The following FBXW11 variants were observed in gnomAD, a reference collection of about 807,000 sequenced individuals.
FBXW11 encodes the protein F-box and WD repeat domain containing 11.
A neutral mutation model predicts 77.6 loss-of-function variants in FBXW11; 19 were observed. The observed-to-expected ratio is 0.24, with a 90% CI of 0.17 to 0.36. The LOEUF (loss-of-function observed/expected upper bound fraction) is 0.36. Among genes scored for constraint, FBXW11 ranks in the 10% least tolerant of loss-of-function variants. The pLI, the probability that FBXW11 is intolerant of heterozygous loss-of-function variation, is 1.00. For synonymous variants in FBXW11, 235 were observed against 249.4 expected, an observed-to-expected ratio of 0.94 and a Z score of 0.54; for missense variants, 334 against 704.2, an observed-to-expected ratio of 0.47 and a Z score of 5.95.
intron 2 of FBXW11, among the ~76,000 whole-genome samples, chr5:171,930,762 T>TA (rs59700625): frequency 0.71 from 89,165 of 126,412 alleles, 32,552 homozygotes; most frequent in Non-Finnish European, 0.81. Flanking sequence ...AATAAAAAAA[T>TA]AAAAAAAAAA....
At chr5:171,891,344 A>G in intron 7 of FBXW11, 123 bp downstream of exon 7, 1 of 841,384 alleles carries the variant, frequency 1.2e-6, no homozygotes, top group Non-Finnish European at 1.8e-6. Context: ...CTACACTGAG[A>G]GCTGCCAAGA....
intron 4 of FBXW11, among the ~76,000 whole-genome samples, chr5:171,902,300 T>C (rs1236831376): frequency 6.6e-6 from 1 of 152,234 alleles, no homozygotes; most frequent in Non-Finnish European, 1.5e-5. Flanking sequence ...TACATAAAGT[T>C]GTATTGCAAT....
intron 2 of FBXW11, among the ~76,000 whole-genome samples, chr5:171,921,396 C>T (rs933802905): frequency 6.6e-6 from 1 of 152,180 alleles, no homozygotes; most frequent in Admixed American, 6.5e-5. Flanking sequence ...AGTTAAGAGT[C>T]ACACAGCTAG....
chr5:171,893,446 A>AAAAAAAAAAAAAAAAAAAAAAAAAC (rs1382279919), intron 6 of FBXW11, among the ~76,000 whole-genome samples: 1 of 147,990 alleles, frequency 6.8e-6, no homozygotes, highest in African/African-American at 2.5e-5. Flanking sequence ...AAAAAAAAAA[A>AAAAAAAAAAAAAAAAAAAAAAAAAC]ACTAACCCAA....
intron 1 of FBXW11, among the ~76,000 whole-genome samples, chr5:171,965,660 C>T (rs1334575813): frequency 2.6e-5 from 4 of 152,050 alleles, no homozygotes; most frequent in African/African-American, 9.7e-5. Flanking sequence ...CCATATTTTC[C>T]GATTTTTCTC....
Position 171,870,960 on chromosome 5 carries a change from T to C in FBXW11, c.1341-102A>G, listed in dbSNP as rs1273754457. ...TCCATACAGATACAATTTTTCACTA[T>C]CTTGGAGCTCTTTATTTCTATCTCA... On this transcript the variant is annotated intron_variant, in intron 10 of 13. Transcript: ENST00000517395. The C allele has an allele frequency of 5.6e-6, 4 of 713,248 alleles. No homozygotes were observed. The African/African-American group carries it at 7.1e-5, about 13-fold the overall frequency. The allele number at this position is 713,248 out of a possible 1,614,324, so 44.2% of individuals were successfully genotyped here.
At chr5:171,932,717 G>A (rs948507785) in intron 2 of FBXW11, among the ~76,000 whole-genome samples, 2 of 151,994 alleles carry the variant, frequency 1.3e-5, no homozygotes, top group Non-Finnish European at 2.9e-5. Flanking sequence ...CAAATGAAGT[G>A]AAAACTAATA....
intron 1 of FBXW11, among the ~76,000 whole-genome samples, chr5:171,995,648 G>T (rs372873117): frequency 1.2e-4 from 18 of 152,184 alleles, no homozygotes; most frequent in African/African-American, 4.3e-4. Flanking sequence ...CAGCTACTTG[G>T]GAAGCTGAGG....
intron 1 of FBXW11, among the ~76,000 whole-genome samples, chr5:171,966,448 T>A (rs1204032962): frequency 6.6e-6 from 1 of 152,164 alleles, no homozygotes. Flanking sequence ...AAGAATTAGA[T>A]GTTTGAGGTG....
At chr5:171,865,140 T>G (rs918142714) in intron 13 of FBXW11, among the ~76,000 whole-genome samples, 2 of 152,202 alleles carry the variant, frequency 1.3e-5, no homozygotes, top group Non-Finnish European at 2.9e-5. Context: ...TAAGGGAACC[T>G]GAATTATTTC....
chr5:171,973,911 A>G (rs1410448254), intron 1 of FBXW11, among the ~76,000 whole-genome samples: 6 of 152,164 alleles, frequency 3.9e-5, no homozygotes, highest in Non-Finnish European at 8.8e-5. Context: ...TTTAAAAATT[A>G]TTAGTTTTTT....
intron 4 of FBXW11, among the ~76,000 whole-genome samples, chr5:171,909,548 TG>T (rs1265551614): frequency 6.6e-6 from 1 of 152,228 alleles, no homozygotes; most frequent in Non-Finnish European, 1.5e-5. Context: ...TGTGCAATGC[TG>T]ATAGTGGGGC....
intron 12 of FBXW11, 150 bp from the exon 13 acceptor site, chr5:171,868,946 C>A: frequency 3.2e-6 from 2 of 629,388 alleles, no homozygotes; most frequent in Non-Finnish European, 2.6e-6. Context: ...TCCTTCATCC[C>A]AAGAACAAAT....
chr5:171,864,795 AC>A (rs1300094147), intron 13 of FBXW11, among the ~76,000 whole-genome samples: 1 of 152,162 alleles, frequency 6.6e-6, no homozygotes, highest in Non-Finnish European at 1.5e-5. Flanking sequence ...ACACAAAAAA[AC>A]AATATTCATG....
At chr5:171,942,804 AAATT>A (rs1467166109) in intron 2 of FBXW11, among the ~76,000 whole-genome samples, 3 of 152,166 alleles carry the variant, frequency 2.0e-5, no homozygotes, top group Admixed American at 6.5e-5. Flanking sequence ...CCTATCTCAA[AAATT>A]AATTAATTAA....
At chr5:171,917,456 C>A (rs1029550751) in intron 2 of FBXW11, among the ~76,000 whole-genome samples, 1 of 152,064 alleles carries the variant, frequency 6.6e-6, no homozygotes, top group Admixed American at 6.5e-5. Context: ...AAGGAAACAA[C>A]CCCCTGAAGA....
intron 2 of FBXW11, among the ~76,000 whole-genome samples, chr5:171,927,312 A>G (rs1298311498): frequency 6.6e-6 from 1 of 152,246 alleles, no homozygotes; most frequent in Non-Finnish European, 1.5e-5. Context: ...ATATACCACA[A>G]TATACCTCAA....
chr5:171,968,726 C>T (rs1221970889), intron 1 of FBXW11, among the ~76,000 whole-genome samples: 1 of 152,170 alleles, frequency 6.6e-6, no homozygotes, highest in Non-Finnish European at 1.5e-5. Context: ...CTCATTTATA[C>T]TAGTGCCCCT....
chr5:171,895,920 G>A (rs1215980895), intron 6 of FBXW11, among the ~76,000 whole-genome samples: 1 of 152,188 alleles, frequency 6.6e-6, no homozygotes, highest in Non-Finnish European at 1.5e-5. Context: ...TCTCAATTCA[G>A]AGGCCCTCTA....
Sources: gnomAD v4.1 joint callset for allele counts (sites outside exome capture counted in the v4.1 genomes callset) on GRCh38, gnomAD v4.1.1 for gene constraint, MANE v1.5 for transcripts, NCBI Gene and HGNC (gene_info 2026-07-23, HGNC 2026-07-21) for gene names.